The following DSCAML1 variants were observed in gnomAD, a reference collection of about 807,000 sequenced individuals.
The protein encoded by DSCAML1 is cell adhesion molecule DSCAML1.
Under a neutral mutation model 200.5 loss-of-function variants are expected in DSCAML1, and 38 were observed. The ratio of observed to expected loss-of-function variants is 0.19; its 90% CI spans 0.15 to 0.25. The LOEUF is 0.25. Among genes scored for constraint, DSCAML1 ranks in the 10% least tolerant of loss-of-function variants. The pLI is 1.00. For synonymous variants in DSCAML1, 1,215 were observed against 1,165.0 expected, an observed-to-expected ratio of 1.04 and a Z score of -0.87; for missense variants, 2,223 against 2,858.8, an observed-to-expected ratio of 0.78 and a Z score of 5.07.
At chr11:117,544,296 A>T (rs1399053528) in intron 3 of DSCAML1, among the ~76,000 whole-genome samples, 2 of 152,208 alleles carry the variant, frequency 1.3e-5, no homozygotes, top group African/African-American at 4.8e-5. Flanking sequence ...CAGATTTATA[A>T]AAACAGTGTC....
chr11:117,684,152 A>T (rs2053360458), intron 3 of DSCAML1, among the ~76,000 whole-genome samples: 1 of 152,182 alleles, frequency 6.6e-6, no homozygotes, highest in Non-Finnish European at 1.5e-5. Context: ...CTCACTTCCC[A>T]AAGGGTGGAG....
chr11:117,437,058 G>C lies in DSCAML1; in HGVS notation c.4720+64C>G. ...TGTCTCTTTATGTATCTGCCACTCT[G>C]CCCACTTCCTTCGCACCACCCTGCT... is the stretch of plus-strand genomic sequence containing the variant. On this transcript the variant is annotated intron_variant, in intron 26 of 32. Transcript: ENST00000651296. The surrounding 1 kb of genome is among the most constrained non-coding windows in gnomAD (Gnocchi z 5.3). 6.5e-7 allele frequency: 1 copy of C among 1,547,888 alleles called. No homozygotes were observed.
chr11:117,496,341 G>A lies in DSCAML1; in HGVS notation c.2359+7504C>T, dbSNP rs193288704. On this transcript the variant is annotated intron_variant, in intron 11 of 32. Transcript: ENST00000651296. ...TCAGGAAGCACCTGGTTATTACTTG[G>A]CTCATCCAACAATTTATTCTGGCCC... 2.2e-4 allele frequency among the ~76,000 whole-genome samples: 33 copies of A among 152,198 alleles called. 2 individuals carry two copies. Among genetic ancestry groups the A allele is most frequent in the Admixed American group, 2.0e-3 (31 of 15,286 alleles).
chr11:117,707,678 C>T (rs577058073), intron 3 of DSCAML1, among the ~76,000 whole-genome samples: 439 of 152,248 alleles, frequency 2.9e-3, no homozygotes, highest in Non-Finnish European at 5.1e-3. Context: ...GGACTACAGG[C>T]GTGTGCCACC....
chr11:117,706,761 C>T (rs2053765283), intron 3 of DSCAML1, among the ~76,000 whole-genome samples: 3 of 152,190 alleles, frequency 2.0e-5, no homozygotes, highest in South Asian at 4.1e-4. Context: ...TTATCAAAAC[C>T]ACCTTGGGCC....
Position 117,439,921 on chromosome 11 carries a change from A to G in DSCAML1, c.3878T>C (p.Ile1293Thr). The G allele has an allele frequency of 6.2e-7, 1 of 1,614,026 alleles. No homozygotes were observed. The highest frequency in any genetic ancestry group is 8.5e-7 in the Non-Finnish European group (1 of 1,179,968). The change falls in exon 22 of 33, where the codon ATC becomes ACC. Residue 1293 changes from isoleucine to threonine, a missense_variant. Physicochemically the swap from Ile to Thr is moderately conservative, Grantham distance 89. Coordinates refer to ENST00000651296, the MANE Select transcript of DSCAML1 (RefSeq NM_020693.4). ...TGTTGTCACGGTGCCCCCAAAGGAG[A>G]TGATCTTTGCTGGGGCTACAGGGAG... is the stretch of plus-strand genomic sequence containing the variant. Reference protein sequence around the residue: ...EPAGKAPAKIISFGGTVTTPW... With the variant: ...EPAGKAPAKITSFGGTVTTPW...
chr11:117,613,943 T>C (rs2051755089), intron 3 of DSCAML1, among the ~76,000 whole-genome samples: 1 of 149,732 alleles, frequency 6.7e-6, no homozygotes, highest in Admixed American at 6.6e-5. Context: ...AGCGGCTGTA[T>C]CCTGATCTGG....
intron 16 of DSCAML1, among the ~76,000 whole-genome samples, chr11:117,467,988 T>C (rs1049437956): frequency 5.3e-5 from 8 of 152,090 alleles, no homozygotes; most frequent in Non-Finnish European, 1.2e-4. Flanking sequence ...TACTGACAGG[T>C]CTCAGACAGG....
chr11:117,437,100 C>T lies in DSCAML1; in HGVS notation c.4720+22G>A, dbSNP rs1205301845. On this transcript the variant is annotated intron_variant, in intron 26 of 32. Coordinates refer to ENST00000651296, the MANE Select transcript of DSCAML1 (RefSeq NM_020693.4). This position sits in a 1 kb window ranked among gnomAD's most constrained non-coding sequence, Gnocchi z 5.3. The stretch of plus-strand genomic sequence containing the variant: ...CACCCTGCTCCAGCCTCTGTACCAT[C>T]CCTTCCACCCTTGCGACTCACTGCC... 6.2e-7 allele frequency: 1 copy of T among 1,603,924 alleles called. No individual in the cohort carries two copies. The highest frequency in any genetic ancestry group is 1.1e-5 in the South Asian group (1 of 89,704).
At position 117,780,445 on chromosome 11, in the gene DSCAML1, C is replaced by T; in HGVS notation, c.364+48G>A. On this transcript the variant is annotated intron_variant, in intron 2 of 32. Transcript: ENST00000651296. This position sits in a 1 kb window ranked among gnomAD's most constrained non-coding sequence, Gnocchi z 4.8. ...CCTCCGAATATCCTCAGAATGACGG[C>T]GCAGCCTCCTCCTGTGCCACTGGGG... 8 of 1,387,814 alleles carry T rather than the reference C, an allele frequency of 5.8e-6. No individual in the cohort carries two copies. The highest frequency in any genetic ancestry group is 7.5e-6 in the Non-Finnish European group (8 of 1,061,934). The allele number at this position is 1,387,814 out of a possible 1,614,324, so 86.0% of individuals were successfully genotyped here.
Position 117,437,698 on chromosome 11 carries a change from G to T in DSCAML1, c.4432+197C>A, listed in dbSNP as rs2047948731. On this transcript the variant is annotated intron_variant, in intron 25 of 32. Transcript: ENST00000651296. This position sits in a 1 kb window ranked among gnomAD's most constrained non-coding sequence, Gnocchi z 5.3. ...ACCTTCGGCCACCCGGTGGGGAAGT[G>T]GAACTAGTTTTTCCTAATGGGATCC... 2.0e-5 allele frequency among the ~76,000 whole-genome samples: 3 copies of T among 152,132 alleles called. No homozygotes were observed. Among genetic ancestry groups the T allele is most frequent in the Admixed American group, 6.5e-5 (1 of 15,282 alleles).
intron 3 of DSCAML1, among the ~76,000 whole-genome samples, chr11:117,652,517 C>T (rs1456710650): frequency 6.6e-6 from 1 of 152,236 alleles, no homozygotes; most frequent in Non-Finnish European, 1.5e-5. Context: ...CTCCAATACA[C>T]CACCATTTAA....
intron 3 of DSCAML1, among the ~76,000 whole-genome samples, chr11:117,603,118 CAAA>C (rs76836144): frequency 6.6e-6 from 1 of 151,640 alleles, no homozygotes; most frequent in African/African-American, 2.4e-5. Context: ...ACAACAACAA[CAAA>C]AAAACCCAAA....
At chr11:117,577,431 T>C in intron 3 of DSCAML1, among the ~76,000 whole-genome samples, 1 of 50,422 alleles carries the variant, frequency 2.0e-5, no homozygotes, top group Non-Finnish European at 3.9e-5. Flanking sequence ...TTTCCTTCCT[T>C]CCTTCTTTCC....
Position 117,437,307 on chromosome 11 carries a change from G to A in DSCAML1, c.4535C>T (p.Ala1512Val). The A allele has an allele frequency of 1.8e-5, 29 of 1,614,252 alleles. No individual in the cohort carries two copies. The highest frequency in any genetic ancestry group is 2.5e-5 in the Non-Finnish European group (29 of 1,180,036). Residue 1512 changes from alanine to valine, a missense_variant, in exon 26 of 33, where the codon GCC becomes GTC. Around this residue, in one of 7 missense-constraint regions of DSCAML1, gnomAD observed 614 missense variants for 739.1 expected, o/e 0.83. Coordinates refer to ENST00000651296, the MANE Select transcript of DSCAML1 (RefSeq NM_020693.4). This position sits in a 1 kb window ranked among gnomAD's most constrained non-coding sequence, Gnocchi z 5.3. ...GWNNGGCPIT[A>V]IVLEYRPKGT... is the part of the protein sequence containing the mutation. Reference sequence around the variant, plus strand: ...CTTGGGCCGGTACTCCAGAACGATGGCTGTGATAGGGCAGCCCCCATTGTT... The same window carrying A: ...CTTGGGCCGGTACTCCAGAACGATGACTGTGATAGGGCAGCCCCCATTGTT...
At chr11:117,568,498 C>G (rs2050793475) in intron 3 of DSCAML1, among the ~76,000 whole-genome samples, 1 of 152,142 alleles carries the variant, frequency 6.6e-6, no homozygotes, top group Non-Finnish European at 1.5e-5. Flanking sequence ...CCAAAATCTC[C>G]TTAAGCTGAT....
chr11:117,461,216 T>G (rs1479483361), intron 18 of DSCAML1, among the ~76,000 whole-genome samples: 2 of 145,210 alleles, frequency 1.4e-5, no homozygotes, highest in Admixed American at 1.4e-4. Flanking sequence ...TGCTCCTGGC[T>G]CTGACCCCAG....
intron 3 of DSCAML1, among the ~76,000 whole-genome samples, chr11:117,654,722 A>T (rs901824683): frequency 6.6e-6 from 1 of 152,208 alleles, no homozygotes; most frequent in East Asian, 1.9e-4. Context: ...CTAAGAGATC[A>T]ATCCAGAACA....
At position 117,471,953 on chromosome 11, in the gene DSCAML1, C is replaced by T; in HGVS notation, c.2869G>A (p.Val957Met). The change falls in exon 15 of 33, where the codon GTG becomes ATG. Residue 957 changes from valine (V) to methionine (M), a missense_variant. By Grantham distance (21) the Val-to-Met change is conservative. Around this residue, in one of 7 missense-constraint regions of DSCAML1, gnomAD observed 438 missense variants for 629.7 expected, o/e 0.70. Coordinates refer to ENST00000651296, the MANE Select transcript of DSCAML1 (RefSeq NM_020693.4). ...AAAGAGTACATGCGGATGCTGTACA[C>T]AGATGCCGGGTGCAAGTCCACAATG... The part of the protein sequence containing the change: ...ANIVDLHPAS[V>M]YSIRMYSFNK... 1 of 1,614,152 alleles carries T rather than the reference C, an allele frequency of 6.2e-7. No individual in the cohort carries two copies. The highest frequency in any genetic ancestry group is 8.5e-7 in the Non-Finnish European group (1 of 1,180,036).
Sources: gnomAD v4.1 joint callset for allele counts (sites outside exome capture counted in the v4.1 genomes callset) on GRCh38, gnomAD v4.1.1 for gene constraint, gnomAD v4.1.1 regional missense constraint, Gnocchi (gnomAD v3.1) non-coding constraint, MANE v1.5 for transcripts, NCBI Gene and HGNC (gene_info 2026-07-23, HGNC 2026-07-21) for gene names.